Variants in NDST3 observed in about 807,000 individuals in gnomAD.
NDST3 encodes bifunctional heparan sulfate N-deacetylase/N-sulfotransferase 3.
NDST3 carries 58 observed loss-of-function variants against 96.1 expected under a neutral mutation model. That is an observed-to-expected ratio of 0.60 (90% CI 0.49 to 0.75). The LOEUF is 0.75. NDST3 is among the 30% of genes least tolerant of loss of function. The pLI is 0.00. For missense variants in NDST3, 788 were observed against 1,034.2 expected, an observed-to-expected ratio of 0.76 and a Z score of 3.27; for synonymous variants, 333 against 359.7, an observed-to-expected ratio of 0.93 and a Z score of 0.84.
chr4:118,240,521 T>A lies in NDST3; in HGVS notation c.2119-3T>A, dbSNP rs772469693. 3 of 1,594,710 alleles carry A rather than the reference T, an allele frequency of 1.9e-6. No individual in the cohort carries two copies. Among genetic ancestry groups the A allele is most frequent in the South Asian group, 1.1e-5 (1 of 88,014 alleles). ...AGTTTAATTATCCACCTTTTCATCA[T>A]AGCATCAGCGATCACATGAAGACCC... On this transcript the variant is annotated splice_region_variant and splice_polypyrimidine_tract_variant and intron_variant, in intron 10 of 13. Coordinates refer to ENST00000296499, the MANE Select transcript of NDST3 (RefSeq NM_004784.3).
At chr4:118,184,202 C>A (rs1736780570) in intron 6 of NDST3, among the ~76,000 whole-genome samples, 1 of 152,180 alleles carries the variant, frequency 6.6e-6, no homozygotes, top group African/African-American at 2.4e-5. Flanking sequence ...AAAAAGTATT[C>A]ATCCTCTGCC....
chr4:118,143,903 G>A (rs1733751279), intron 6 of NDST3, among the ~76,000 whole-genome samples: 1 of 152,166 alleles, frequency 6.6e-6, no homozygotes, highest in Non-Finnish European at 1.5e-5. Context: ...AACCAGGGAA[G>A]TGCTCCAGCG....
intron 4 of NDST3, among the ~76,000 whole-genome samples, chr4:118,132,533 C>T (rs1672003630): frequency 6.6e-6 from 1 of 152,116 alleles, no homozygotes; most frequent in Non-Finnish European, 1.5e-5. Flanking sequence ...TCAGAGACCC[C>T]AAGAGCCTGC....
intron 10 of NDST3, 69 bp downstream of exon 10, chr4:118,237,289 A>G: frequency 8.1e-7 from 1 of 1,238,546 alleles, no homozygotes. Context: ...TGTTTTTAGC[A>G]ATACCCACTA....
intron 6 of NDST3, among the ~76,000 whole-genome samples, chr4:118,171,034 A>C (rs894010708): frequency 6.6e-6 from 1 of 152,006 alleles, no homozygotes; most frequent in South Asian, 2.1e-4. Flanking sequence ...CAAGTACAAA[A>C]CCCCCATGAG....
In NDST3 at chr4:118,204,716, G is replaced by T. The variant is rs1286008145; in HGVS notation, c.1540-19775G>T. Among the ~76,000 whole-genome samples the T allele has an allele frequency of 3.5e-5, 5 of 144,622 alleles. 2 individuals are homozygous for T. Among genetic ancestry groups the T allele is most frequent in the Admixed American group, 2.7e-4 (4 of 14,578 alleles). 94.9% of individuals were successfully genotyped at this position (144,622 alleles called of 152,430 possible). ...TTAACAATATTACATGTGAATATGT[G>T]TATATACACATGTGTCTTTGTGAAT... On this transcript the variant is annotated intron_variant, in intron 6 of 13. Transcript: ENST00000296499.
chr4:118,193,971 T>G (rs1311229993), intron 6 of NDST3: 3 of 986,462 alleles, frequency 3.0e-6, no homozygotes, highest in South Asian at 1.3e-5. Context: ...TTCACTGTGG[T>G]GCTCTGCTCC....
chr4:118,250,638 C>T (rs1032858271), intron 12 of NDST3, among the ~76,000 whole-genome samples: 1 of 152,118 alleles, frequency 6.6e-6, no homozygotes, highest in African/African-American at 2.4e-5. Context: ...GCATGCAGCA[C>T]CATGCCCGGC....
At chr4:118,043,167 A>G (rs1247469444) in intron 1 of NDST3, among the ~76,000 whole-genome samples, 4 of 152,236 alleles carry the variant, frequency 2.6e-5, no homozygotes, top group Admixed American at 1.3e-4. Context: ...TACCATAGAT[A>G]TTATGATATT....
At chr4:118,077,323 A>C (rs1331419409) in intron 2 of NDST3, among the ~76,000 whole-genome samples, 2 of 152,196 alleles carry the variant, frequency 1.3e-5, no homozygotes, top group African/African-American at 2.4e-5. Context: ...GTGGGGTGCC[A>C]GCAAAAACCT....
At chr4:118,208,165 C>G (rs1159604905) in intron 6 of NDST3, among the ~76,000 whole-genome samples, 1 of 143,878 alleles carries the variant, frequency 7.0e-6, no homozygotes, top group Admixed American at 6.9e-5. Flanking sequence ...AAATAATACA[C>G]CAAATGTGAA....
chr4:118,120,264 A>G (rs1221729593), intron 4 of NDST3, among the ~76,000 whole-genome samples: 2 of 152,080 alleles, frequency 1.3e-5, no homozygotes, highest in African/African-American at 4.8e-5. Context: ...CCCAGTTACC[A>G]AGAGAGGGAG....
In NDST3 at chr4:118,078,144, G is replaced by A. The variant is rs562480684; in HGVS notation, c.981+23253G>A. On this transcript the variant is annotated intron_variant, in intron 2 of 13. Coordinates refer to ENST00000296499, the MANE Select transcript of NDST3 (RefSeq NM_004784.3). Reference sequence around the variant, plus strand: ...CACTTGCCTTTTCCCATTTTGGAGAGGTTCTTCTGGCCTCTGCACTCAGCC... The same window carrying A: ...CACTTGCCTTTTCCCATTTTGGAGAAGTTCTTCTGGCCTCTGCACTCAGCC... Among the ~76,000 whole-genome samples, 58 of 152,204 alleles carry A rather than the reference G, an allele frequency of 3.8e-4. 1 individual carries two copies. The highest frequency in any genetic ancestry group is 3.7e-3 in the Admixed American group (57 of 15,286).
intron 4 of NDST3, among the ~76,000 whole-genome samples, chr4:118,133,375 C>A (rs1264435787): frequency 1.3e-5 from 2 of 152,122 alleles, no homozygotes; most frequent in Non-Finnish European, 2.9e-5. Flanking sequence ...GTAAAGTCCC[C>A]CTGTCACTGT....
At chr4:118,045,962 G>A (rs1724738796) in intron 1 of NDST3, among the ~76,000 whole-genome samples, 1 of 151,818 alleles carries the variant, frequency 6.6e-6, no homozygotes, top group African/African-American at 2.4e-5. Flanking sequence ...AATTCCAGAG[G>A]GGGAAGGCAA....
chr4:118,144,042 A>T (rs1164550731), intron 6 of NDST3, among the ~76,000 whole-genome samples: 1 of 151,918 alleles, frequency 6.6e-6, no homozygotes, highest in African/African-American at 2.4e-5. Context: ...CTCTATTATT[A>T]TTTTTATTTT....
chr4:118,242,983 T>G (rs1741099269), intron 12 of NDST3, among the ~76,000 whole-genome samples: 1 of 152,134 alleles, frequency 6.6e-6, no homozygotes, highest in Non-Finnish European at 1.5e-5. Flanking sequence ...TTAGAATAGT[T>G]GGCAATCAGA....
In NDST3 at chr4:118,039,844, G is replaced by C. The variant is rs200869173; in HGVS notation, c.-156+5252G>C. ...CCACTTGCCTGGAACTTAGAAGGGA[G>C]AGCATCATCTAACCAGGCCTGAGAG... On this transcript the variant is annotated intron_variant, in intron 1 of 13. Coordinates refer to ENST00000296499, the MANE Select transcript of NDST3 (RefSeq NM_004784.3). Among the ~76,000 whole-genome samples, 3 of 152,274 alleles carry C rather than the reference G, an allele frequency of 2.0e-5. No individual in the cohort carries two copies. In the East Asian group the frequency reaches 5.8e-4, roughly 29 times the overall value.
intron 6 of NDST3, among the ~76,000 whole-genome samples, chr4:118,157,041 A>C (rs1362518741): frequency 6.6e-6 from 1 of 152,192 alleles, no homozygotes; most frequent in Admixed American, 6.5e-5. Context: ...TTATTTGTAC[A>C]TCAAATAGTG....
Sources: gnomAD v4.1 joint callset for allele counts (sites outside exome capture counted in the v4.1 genomes callset) on GRCh38, gnomAD v4.1.1 for gene constraint, MANE v1.5 for transcripts, NCBI Gene and HGNC (gene_info 2026-07-23, HGNC 2026-07-21) for gene names.